KIAA1217: variants seen among roughly 807,000 people sequenced by gnomAD.
KIAA1217 encodes the protein sickle tail protein homolog.
In KIAA1217, 88 loss-of-function variants were observed where a neutral mutation model predicts 163.9. That is an observed-to-expected ratio of 0.54 (90% CI 0.45 to 0.64). The LOEUF is 0.64. KIAA1217 is among the 30% of genes least tolerant of loss of function. KIAA1217 has a pLI of 0.00. For missense variants in KIAA1217, 2,372 were observed against 2,475.0 expected, an observed-to-expected ratio of 0.96 and a Z score of 0.88; for synonymous variants, 903 against 923.1, an observed-to-expected ratio of 0.98 and a Z score of 0.39.
intron 2 of KIAA1217, among the ~76,000 whole-genome samples, chr10:24,340,362 C>T (rs1197081310): frequency 6.6e-6 from 1 of 152,162 alleles, no homozygotes; most frequent in African/African-American, 2.4e-5. Context: ...ATCTGATGGT[C>T]TGATAAAGGG....
chr10:23,712,249 A>G (rs930353170), intron 1 of KIAA1217, among the ~76,000 whole-genome samples: 24 of 152,072 alleles, frequency 1.6e-4, no homozygotes, highest in African/African-American at 5.6e-4. Context: ...GAACATAAGC[A>G]TCTCTCCTTA....
chr10:23,941,804 G>A (rs1843780477), intron 1 of KIAA1217, among the ~76,000 whole-genome samples: 1 of 151,930 alleles, frequency 6.6e-6, no homozygotes, highest in Non-Finnish European at 1.5e-5. Flanking sequence ...AGAGGGCCTT[G>A]GTAAACATAA....
chr10:23,961,568 TCTTATA>T (rs1435306392), intron 1 of KIAA1217, among the ~76,000 whole-genome samples: 4 of 152,226 alleles, frequency 2.6e-5, no homozygotes, highest in Non-Finnish European at 4.4e-5. Flanking sequence ...TCCCATGTGT[TCTTATA>T]CTTATAAACT....
chr10:23,895,574 G>C (rs1485870749), intron 1 of KIAA1217, among the ~76,000 whole-genome samples: 1 of 152,158 alleles, frequency 6.6e-6, no homozygotes, highest in Admixed American at 6.6e-5. Context: ...CATTGTGGAA[G>C]TCAGTGTGGT....
chr10:24,298,845 T>C (rs926299341), intron 2 of KIAA1217, among the ~76,000 whole-genome samples: 1 of 151,878 alleles, frequency 6.6e-6, no homozygotes, highest in African/African-American at 2.4e-5. Context: ...TAAGAGCATA[T>C]CCCACAGGAA....
chr10:23,780,074 C>T (rs1035374338), intron 1 of KIAA1217, among the ~76,000 whole-genome samples: 15 of 152,058 alleles, frequency 9.9e-5, no homozygotes, highest in South Asian at 4.2e-4. Flanking sequence ...ACTGTAGCCC[C>T]GGCATTAAGG....
At chr10:24,054,399 G>T (rs1849735388) in intron 2 of KIAA1217, among the ~76,000 whole-genome samples, 1 of 152,048 alleles carries the variant, frequency 6.6e-6, no homozygotes, top group Non-Finnish European at 1.5e-5. Flanking sequence ...AGATGGAGGG[G>T]GATAGAAAAG....
chr10:23,704,996 G>C (rs996997899), intron 1 of KIAA1217, among the ~76,000 whole-genome samples: 8 of 152,020 alleles, frequency 5.3e-5, no homozygotes, highest in African/African-American at 1.7e-4. Flanking sequence ...CATCTTTCTG[G>C]ATTTGAAATG....
intron 1 of KIAA1217, among the ~76,000 whole-genome samples, chr10:23,927,337 T>C (rs998805891): frequency 1.3e-5 from 2 of 151,592 alleles, no homozygotes; most frequent in Admixed American, 6.6e-5. Context: ...TGTGTGTGTG[T>C]GTGTGTGTGT....
intron 2 of KIAA1217, among the ~76,000 whole-genome samples, chr10:24,310,136 T>C (rs1471696420): frequency 6.6e-6 from 1 of 152,228 alleles, no homozygotes; most frequent in African/African-American, 2.4e-5. Context: ...AGGAGAAGTA[T>C]TTTTAATATC....
At chr10:24,219,375 G>A (rs2069271828) in intron 1 of KIAA1217, among the ~76,000 whole-genome samples, 1 of 152,190 alleles carries the variant, frequency 6.6e-6, no homozygotes, top group Non-Finnish European at 1.5e-5. Flanking sequence ...GCCTCCCAAA[G>A]TGCTGGGGTT....
intron 2 of KIAA1217, among the ~76,000 whole-genome samples, chr10:24,011,477 A>C (rs1167976481): frequency 6.6e-6 from 1 of 152,072 alleles, no homozygotes; most frequent in African/African-American, 2.4e-5. Context: ...ACAGAGTGAG[A>C]TCTTGTCTTA....
intron 2 of KIAA1217, among the ~76,000 whole-genome samples, chr10:24,167,334 A>G (rs1384332385): frequency 6.6e-6 from 1 of 151,962 alleles, no homozygotes. Context: ...GATGTTACAA[A>G]AATATGAAGC....
chr10:24,160,320 A>G (rs1232825159), intron 2 of KIAA1217, among the ~76,000 whole-genome samples: 1 of 152,164 alleles, frequency 6.6e-6, no homozygotes, highest in Non-Finnish European at 1.5e-5. Flanking sequence ...CAAAAATGAT[A>G]TTTTAGCAAT....
chr10:23,898,854 A>T (rs1396680811), intron 1 of KIAA1217, among the ~76,000 whole-genome samples: 1 of 152,030 alleles, frequency 6.6e-6, no homozygotes, highest in East Asian at 1.9e-4. Flanking sequence ...TCCCTAGCTT[A>T]TTTCATTTAG....
At chr10:23,931,195 T>A (rs1444714099) in intron 1 of KIAA1217, among the ~76,000 whole-genome samples, 1 of 152,130 alleles carries the variant, frequency 6.6e-6, no homozygotes, top group Non-Finnish European at 1.5e-5. Context: ...ATTACATGGA[T>A]GTTCTTGTAT....
Position 24,511,172 on chromosome 10 carries a change from A to AAAAAAAAAAAAAAAAAAAAG in KIAA1217, c.2002-2086_2002-2085insAAAAAAAAAAAAAAAAAAGA, listed in dbSNP as rs1554918365. On this transcript the variant is annotated intron_variant, in intron 9 of 20. Transcript: ENST00000376454. ...TGTCTCAAAAAAAAAAAAAAAAAAAAAGGAGCCTGGCCCCTATGAAGAACT... is the reference window on the plus strand; with the variant it reads ...TGTCTCAAAAAAAAAAAAAAAAAAAAAAAAAAAAAAAAAAAAAAAGAGGAGCCTGGCCCCTATGAAGAACT... Among the ~76,000 whole-genome samples, 22 of 115,682 alleles carry AAAAAAAAAAAAAAAAAAAAG rather than the reference A, an allele frequency of 1.9e-4. 4 individuals are homozygous for AAAAAAAAAAAAAAAAAAAAG. Among genetic ancestry groups the AAAAAAAAAAAAAAAAAAAAG allele is most frequent in the African/African-American group, 7.0e-4 (19 of 27,124 alleles). 75.9% of individuals were successfully genotyped at this position (115,682 alleles called of 152,430 possible).
chr10:24,277,544 G>C (rs2077442749), intron 2 of KIAA1217, among the ~76,000 whole-genome samples: 1 of 152,350 alleles, frequency 6.6e-6, no homozygotes, highest in Admixed American at 6.5e-5. Flanking sequence ...GGAACCTGGT[G>C]GGAGGTAATT....
At chr10:23,810,814 T>C (rs1836983740) in intron 1 of KIAA1217, among the ~76,000 whole-genome samples, 1 of 125,258 alleles carries the variant, frequency 8.0e-6, no homozygotes, top group African/African-American at 3.1e-5. Flanking sequence ...TACCAAATAC[T>C]AATTATTATA....
Sources: gnomAD v4.1 joint callset for allele counts (sites outside exome capture counted in the v4.1 genomes callset) on GRCh38, gnomAD v4.1.1 for gene constraint, MANE v1.5 for transcripts, NCBI Gene and HGNC (gene_info 2026-07-23, HGNC 2026-07-21) for gene names.